Variants in SYT14 observed in about 807,000 individuals in gnomAD.
The protein encoded by SYT14 is synaptotagmin 14, also known as synaptotagmin-14.
A neutral mutation model predicts 74.2 loss-of-function variants in SYT14; 32 were observed. The observed-to-expected ratio is 0.43, with a 90% confidence interval of 0.33 to 0.58. SYT14 has a LOEUF of 0.58. Among genes scored for constraint, SYT14 ranks in the 20% least tolerant of loss-of-function variants. SYT14 has a pLI of 0.05. For missense variants in SYT14, 791 were observed against 981.8 expected (o/e 0.81, Z 2.60); for synonymous variants, 298 against 337.7 (o/e 0.88, Z 1.29).
At chr1:210,151,281 A>G (rs1201987173) in intron 7 of SYT14, among the ~76,000 whole-genome samples, 1 of 152,216 alleles carries the variant, frequency 6.6e-6, no homozygotes, top group Non-Finnish European at 1.5e-5. Context: ...TGAGATCTGC[A>G]GAGGGAGTAG....
intron 5 of SYT14, among the ~76,000 whole-genome samples, chr1:210,028,984 A>G (rs1490795272): frequency 2.0e-5 from 3 of 152,150 alleles, no homozygotes; most frequent in African/African-American, 7.2e-5. Context: ...GTATGAGGTG[A>G]TATCTTACTG....
At chr1:210,006,405 T>C (rs748104108) in intron 2 of SYT14, among the ~76,000 whole-genome samples, 2 of 151,984 alleles carry the variant, frequency 1.3e-5, no homozygotes, top group African/African-American at 2.4e-5. Flanking sequence ...ATTCTCTATG[T>C]CCAAACCCAG....
intron 2 of SYT14, among the ~76,000 whole-genome samples, chr1:209,979,424 A>T (rs1464167416): frequency 6.6e-6 from 1 of 151,960 alleles, no homozygotes; most frequent in Non-Finnish European, 1.5e-5. Flanking sequence ...TCTTGAGGAC[A>T]GCAGACAAAT....
chr1:210,061,346 T>A (rs547451809), intron 5 of SYT14, among the ~76,000 whole-genome samples: 1 of 152,106 alleles, frequency 6.6e-6, no homozygotes, highest in East Asian at 1.9e-4. Flanking sequence ...AGAAAAATTA[T>A]CAAAATATAT....
chr1:209,991,832 GA>G (rs1301656205), intron 2 of SYT14, among the ~76,000 whole-genome samples: 246 of 124,622 alleles, frequency 2.0e-3, no homozygotes, highest in Admixed American at 2.9e-3. Flanking sequence ...TCCGTCTCGA[GA>G]AAAAAAAAAA....
At chr1:210,078,202 C>T (rs1021308177) in intron 5 of SYT14, among the ~76,000 whole-genome samples, 62 of 147,656 alleles carry the variant, frequency 4.2e-4, no homozygotes, top group Non-Finnish European at 6.0e-4. Context: ...CCCAGCTACT[C>T]GGGAGGCTGA....
chr1:210,102,723 C>G (rs1278661868), intron 7 of SYT14, among the ~76,000 whole-genome samples: 1 of 152,000 alleles, frequency 6.6e-6, no homozygotes, highest in Non-Finnish European at 1.5e-5. Flanking sequence ...TCAGGGTCAC[C>G]CAGGCTGGGG....
intron 1 of SYT14, among the ~76,000 whole-genome samples, chr1:209,940,983 A>G (rs911270409): frequency 2.0e-5 from 3 of 152,228 alleles, no homozygotes; most frequent in Non-Finnish European, 2.9e-5. Flanking sequence ...GCTGTAATCA[A>G]CTAAAACCAC....
chr1:210,080,332 G>A (rs1272440899), intron 5 of SYT14, among the ~76,000 whole-genome samples: 1 of 152,180 alleles, frequency 6.6e-6, no homozygotes, highest in East Asian at 1.9e-4. Flanking sequence ...ATAATATCAT[G>A]TAGTCAGATT....
At chr1:210,009,535 G>A (rs2080048008) in intron 2 of SYT14, among the ~76,000 whole-genome samples, 1 of 151,730 alleles carries the variant, frequency 6.6e-6, no homozygotes. Context: ...TGAAGCTTTA[G>A]TATGTATTTA....
At chr1:210,168,571 G>C (rs1437690138) in exon 10 of SYT14, 1 of 152,008 alleles carries the variant, frequency 6.6e-6, no homozygotes. Context: ...TTCAAACTTT[G>C]TCTATATATT....
intron 7 of SYT14, among the ~76,000 whole-genome samples, chr1:210,125,022 A>C (rs1164000725): frequency 6.6e-6 from 1 of 152,170 alleles, no homozygotes; most frequent in Non-Finnish European, 1.5e-5. Context: ...TCAGGCAGGC[A>C]AGTTCAAACG....
intron 7 of SYT14, among the ~76,000 whole-genome samples, chr1:210,125,374 G>A (rs1434534351): frequency 2.0e-5 from 3 of 152,180 alleles, no homozygotes; most frequent in African/African-American, 7.2e-5. Context: ...TGGTGTTGCT[G>A]CAAAGGATAT....
At chr1:210,039,065 C>T (rs1199351149) in intron 5 of SYT14, among the ~76,000 whole-genome samples, 1 of 152,056 alleles carries the variant, frequency 6.6e-6, no homozygotes, top group African/African-American at 2.4e-5. Flanking sequence ...TGGTGTTTTA[C>T]ATAACTTGAT....
intron 5 of SYT14, among the ~76,000 whole-genome samples, chr1:210,079,767 C>T (rs2081585170): frequency 6.6e-6 from 1 of 152,134 alleles, no homozygotes; most frequent in African/African-American, 2.4e-5. Context: ...TGAGGAAATA[C>T]CTATGAAGAC....
Position 210,105,612 on chromosome 1 carries a change from C to A in SYT14, c.2034+5151C>A, listed in dbSNP as rs546114865. On this transcript the variant is annotated intron_variant, in intron 7 of 9. Transcript: ENST00000637265. ...CTTCTGACTAAGGAGTACATTAACCCCTGCGGTCGAGAATCAGATGAAGCA... is the reference window on the plus strand; with the variant it reads ...CTTCTGACTAAGGAGTACATTAACCACTGCGGTCGAGAATCAGATGAAGCA... 1.1e-4 allele frequency among the ~76,000 whole-genome samples: 16 copies of A among 152,280 alleles called. No individual in the cohort carries two copies. In the South Asian group the frequency reaches 3.1e-3, roughly 30 times the overall value.
intron 7 of SYT14, among the ~76,000 whole-genome samples, chr1:210,149,496 G>T (rs1305810677): frequency 6.6e-6 from 1 of 151,762 alleles, no homozygotes. Context: ...ATCATAGCAG[G>T]GATTTTTATG....
At chr1:210,083,543 G>T (rs191405006) in intron 5 of SYT14, among the ~76,000 whole-genome samples, 1 of 152,000 alleles carries the variant, frequency 6.6e-6, no homozygotes, top group Non-Finnish European at 1.5e-5. Flanking sequence ...TGCAGTTACA[G>T]GTGTGTGCCA....
chr1:209,998,088 A>G (rs921390797), intron 2 of SYT14, among the ~76,000 whole-genome samples: 7 of 152,118 alleles, frequency 4.6e-5, no homozygotes, highest in South Asian at 4.1e-4. Context: ...ATTTGTACAC[A>G]GGAAAAAAGT....
Sources: gnomAD v4.1 joint callset for allele counts (sites outside exome capture counted in the v4.1 genomes callset) on GRCh38, gnomAD v4.1.1 for gene constraint, MANE v1.5 for transcripts, NCBI Gene and HGNC (gene_info 2026-07-23, HGNC 2026-07-21) for gene names.